The following CIP2A variants were observed in gnomAD, a reference collection of about 807,000 sequenced individuals.
CIP2A encodes the protein cellular inhibitor of PP2A.
Under a neutral mutation model 110.9 loss-of-function variants are expected in CIP2A, and 103 were observed. The ratio of observed to expected loss-of-function variants is 0.93; its 90% CI spans 0.79 to 1.09. The LOEUF (loss-of-function observed/expected upper bound fraction) is 1.09. Ranked by LOEUF, CIP2A falls within the 50% of genes least tolerant of loss-of-function variation. CIP2A has a pLI of 0.00. For synonymous variants in CIP2A, 381 were observed against 361.6 expected (o/e 1.05, Z -0.61); for missense variants, 1,088 against 1,038.4 (o/e 1.05, Z -0.66).
intron 20 of CIP2A, among the ~76,000 whole-genome samples, chr3:108,551,552 T>C (rs2083898870): frequency 6.6e-6 from 1 of 152,130 alleles, no homozygotes; most frequent in Non-Finnish European, 1.5e-5. Context: ...CTTAAGTTAA[T>C]GCCAGCAGCT....
At chr3:108,581,365 A>G (rs1464302809) in intron 5 of CIP2A, 50 bp downstream of exon 5, 1 of 1,265,904 alleles carries the variant, frequency 7.9e-7, no homozygotes, top group African/African-American at 1.5e-5. Flanking sequence ...TTCTTTAAGC[A>G]GAGAATCTAC....
chr3:108,553,640 C>T lies in CIP2A; in HGVS notation c.2407+8G>A. ...AATAGAAAATGTATTAAATAAGAAGCCACTTACTTGCTAGCTTATGTTCTC... is the reference window on the plus strand; with the variant it reads ...AATAGAAAATGTATTAAATAAGAAGTCACTTACTTGCTAGCTTATGTTCTC... On this transcript the variant is annotated splice_region_variant and intron_variant, in intron 19 of 20. Transcript: ENST00000295746. 6.4e-7 allele frequency: 1 copy of T among 1,554,276 alleles called. No homozygotes were observed. Among genetic ancestry groups the T allele is most frequent in the African/African-American group, 1.4e-5 (1 of 73,136 alleles).
intron 17 of CIP2A, 95 bp from the exon 18 acceptor site, chr3:108,554,584 C>A (rs757200293): frequency 3.3e-6 from 2 of 599,740 alleles, no homozygotes; most frequent in Non-Finnish European, 5.9e-6. Context: ...TCTCTTCTAA[C>A]CAAATTGCAT....
intron 12 of CIP2A, among the ~76,000 whole-genome samples, chr3:108,564,952 A>G (rs920629988): frequency 9.9e-5 from 15 of 151,808 alleles, no homozygotes; most frequent in African/African-American, 3.6e-4. Flanking sequence ...AATTATCACA[A>G]TCCTTTTCTT....
At chr3:108,560,953 T>A in intron 13 of CIP2A, 112 bp from the exon 14 acceptor site, 1 of 610,092 alleles carries the variant, frequency 1.6e-6, no homozygotes, top group Non-Finnish European at 2.7e-6. Flanking sequence ...TGAATAGAAG[T>A]CTTCAAATAA....
intron 8 of CIP2A, among the ~76,000 whole-genome samples, chr3:108,573,109 G>A (rs1052729820): frequency 6.6e-6 from 1 of 151,774 alleles, no homozygotes. Context: ...ATTTCTAAAT[G>A]TTAAACCATC....
chr3:108,555,036 A>C (rs2107312141), intron 17 of CIP2A, among the ~76,000 whole-genome samples: 1 of 152,312 alleles, frequency 6.6e-6, no homozygotes, highest in African/African-American at 2.4e-5. Flanking sequence ...CAGTTTTTGT[A>C]TCTAATCCAT....
At chr3:108,562,784 A>T (rs1440876004) in intron 13 of CIP2A, among the ~76,000 whole-genome samples, 1 of 152,034 alleles carries the variant, frequency 6.6e-6, no homozygotes, top group African/African-American at 2.4e-5. Flanking sequence ...CCTTTTCCTT[A>T]AACAGTCAGG....
intron 1 of CIP2A, chr3:108,585,585 C>T (rs1329140830): frequency 2.4e-5 from 10 of 413,032 alleles, no homozygotes; most frequent in Non-Finnish European, 3.8e-5. Context: ...ATTGAACATG[C>T]GATGAAGGCA....
At chr3:108,577,489 CA>C (rs1181086907) in intron 7 of CIP2A, among the ~76,000 whole-genome samples, 4 of 152,062 alleles carry the variant, frequency 2.6e-5, no homozygotes, top group African/African-American at 9.7e-5. Context: ...TACGTTTGTC[CA>C]GGGGCAAGGA....
rs535497035 is a variant in CIP2A, at chr3:108,556,364, C to T, written c.2210+854G>A. 1.3e-3 allele frequency among the ~76,000 whole-genome samples: 198 copies of T among 152,194 alleles called. 1 individual carries two copies. In the Middle Eastern group the frequency reaches 0.014, roughly 10 times the overall value. On this transcript the variant is annotated intron_variant, in intron 17 of 20. Coordinates refer to ENST00000295746, the MANE Select transcript of CIP2A (RefSeq NM_020890.3). ...GGTTGGTAGAAAATACATAATTGTT[C>T]CTGGTCTTCCCTGTAATTCAGAAGT...
rs186076795 is a variant in CIP2A at position 108,552,138 on chromosome 3, T to C, written c.2547+96A>G. 21 of 921,860 alleles carry C rather than the reference T, an allele frequency of 2.3e-5. No individual in the cohort carries two copies. The East Asian group carries it at 5.8e-4, about 26-fold the overall frequency. The allele number at this position is 921,860 out of a possible 1,614,324, so 57.1% of individuals were successfully genotyped here. On this transcript the variant is annotated intron_variant, in intron 20 of 20. Coordinates refer to ENST00000295746, the MANE Select transcript of CIP2A (RefSeq NM_020890.3). ...GAGATCCTAATATCTTCTAAAAAAT[T>C]TGCTGAAGAAACAGTACATTCCTTT...
At position 108,553,894 on chromosome 3, in the gene CIP2A, T is replaced by TACAAAAAAAAAAAAAAAA. The variant is rs1303036231; in HGVS notation, c.2325-165_2325-164insTTTTTTTTTTTTTTTTGT. On this transcript the variant is annotated intron_variant, in intron 18 of 20. Coordinates refer to ENST00000295746, the MANE Select transcript of CIP2A (RefSeq NM_020890.3). Reference sequence around the variant, plus strand: ...GGTGAAACCCCGTCTCTACTAAAAATATAAAAAAAAAAAAAAAAAAAAAAA... The same window carrying TACAAAAAAAAAAAAAAAA: ...GGTGAAACCCCGTCTCTACTAAAAATACAAAAAAAAAAAAAAAAATAAAAAAAAAAAAAAAAAAAAAAA... 4.1e-3 allele frequency among the ~76,000 whole-genome samples: 204 copies of TACAAAAAAAAAAAAAAAA among 49,730 alleles called. 94 individuals are homozygous for TACAAAAAAAAAAAAAAAA. Among genetic ancestry groups the TACAAAAAAAAAAAAAAAA allele is most frequent in the Non-Finnish European group, 5.7e-3 (142 of 25,128 alleles). 32.6% of individuals were successfully genotyped at this position (49,730 alleles called of 152,430 possible).
At chr3:108,565,631 A>T (rs1938155337) in intron 11 of CIP2A, among the ~76,000 whole-genome samples, 177 bp from the exon 12 acceptor site, 2 of 151,782 alleles carry the variant, frequency 1.3e-5, no homozygotes, top group Non-Finnish European at 3.0e-5. Flanking sequence ...ATAACTCAAG[A>T]TCCAAAGAGA....
At chr3:108,573,732 G>T (rs991087222) in intron 8 of CIP2A, among the ~76,000 whole-genome samples, 5 of 152,034 alleles carry the variant, frequency 3.3e-5, no homozygotes, top group African/African-American at 1.2e-4. Flanking sequence ...TCTAGGGTTC[G>T]AAATAAAAAA....
At chr3:108,563,541 C>T (rs767204187) in intron 12 of CIP2A, among the ~76,000 whole-genome samples, 1 of 152,106 alleles carries the variant, frequency 6.6e-6, no homozygotes, top group Non-Finnish European at 1.5e-5. Flanking sequence ...AAAAAACCCA[C>T]AACTGACTGA....
chr3:108,585,803 AG>A (rs1333513048), intron 1 of CIP2A: 1 of 452,440 alleles, frequency 2.2e-6, no homozygotes, highest in African/African-American at 2.0e-5. Flanking sequence ...TTTTTTAAGT[AG>A]CCAGGCAAGG....
At chr3:108,582,936 G>T in intron 3 of CIP2A, 41 bp downstream of exon 3, 1 of 1,216,758 alleles carries the variant, frequency 8.2e-7, no homozygotes, top group Non-Finnish European at 1.2e-6. Context: ...ATTTTGATCT[G>T]ACAGTAAGGA....
At chr3:108,567,310 T>G (rs1278884655) in intron 10 of CIP2A, among the ~76,000 whole-genome samples, 1 of 151,638 alleles carries the variant, frequency 6.6e-6, no homozygotes, top group African/African-American at 2.4e-5. Flanking sequence ...AGTCACTGCT[T>G]TAAAGGAAGA....
Sources: gnomAD v4.1 joint callset for allele counts (sites outside exome capture counted in the v4.1 genomes callset) on GRCh38, gnomAD v4.1.1 for gene constraint, MANE v1.5 for transcripts, NCBI Gene and HGNC (gene_info 2026-07-23, HGNC 2026-07-21) for gene names.